LINGO2: variants seen among roughly 807,000 people sequenced by gnomAD.
LINGO2 encodes leucine-rich repeat and immunoglobulin-like domain-containing nogo receptor-interacting protein 2.
In LINGO2, 14 loss-of-function variants were observed where a neutral mutation model predicts 30.6. The observed-to-expected ratio is 0.46, with a 90% CI of 0.30 to 0.72. LINGO2 has a LOEUF of 0.72. LINGO2 is among the 30% of genes least tolerant of loss of function. The pLI, the probability that LINGO2 is intolerant of heterozygous loss-of-function variation, is 0.07. For missense variants in LINGO2, 729 were observed against 751.7 expected (o/e 0.97, Z 0.35); for synonymous variants, 317 against 288.5 (o/e 1.10, Z -1.00).
intron 4 of LINGO2, among the ~76,000 whole-genome samples, chr9:28,221,665 A>G (rs2133898436): frequency 6.6e-6 from 1 of 152,314 alleles, no homozygotes; most frequent in African/African-American, 2.4e-5. Flanking sequence ...CTATTTTTAG[A>G]CAAACGACAA....
intron 4 of LINGO2, among the ~76,000 whole-genome samples, chr9:28,263,330 C>T (rs1293649893): frequency 1.3e-5 from 2 of 151,888 alleles, no homozygotes; most frequent in Admixed American, 1.3e-4. Context: ...ATTAAAGACC[C>T]TAATTACACC....
chr9:29,032,582 G>A, the LINGO2 span, among the ~76,000 whole-genome samples: 1 of 152,126 alleles, frequency 6.6e-6, no homozygotes, highest in Admixed American at 6.6e-5. Context: ...GAAAGTGAAT[G>A]AAGTAAATCA....
intron 3 of LINGO2, among the ~76,000 whole-genome samples, chr9:28,337,261 T>C (rs1403099753): frequency 6.6e-6 from 1 of 151,734 alleles, no homozygotes; most frequent in Non-Finnish European, 1.5e-5. Flanking sequence ...AATTGCTAGG[T>C]TGTGGTAGGA....
chr9:28,104,751 G>A (rs2133330895), intron 4 of LINGO2, among the ~76,000 whole-genome samples: 1 of 152,064 alleles, frequency 6.6e-6, no homozygotes, highest in East Asian at 1.9e-4. Flanking sequence ...TGTTAACACT[G>A]ATGTGCTTTC....
the LINGO2 span, among the ~76,000 whole-genome samples, chr9:28,775,044 G>T: frequency 6.6e-6 from 1 of 152,108 alleles, no homozygotes; most frequent in East Asian, 1.9e-4. Context: ...TGGAAGAAGG[G>T]GAGGGGAGTG....
intron 1 of LINGO2, among the ~76,000 whole-genome samples, chr9:28,480,470 A>G (rs1385819078): frequency 6.6e-6 from 1 of 152,114 alleles, no homozygotes. Flanking sequence ...ACATGGAAGT[A>G]AAATGACAAT....
chr9:28,020,921 CTTA>C (rs762658604), intron 4 of LINGO2, among the ~76,000 whole-genome samples: 22 of 151,892 alleles, frequency 1.4e-4, no homozygotes, highest in Non-Finnish European at 2.4e-4. Flanking sequence ...GTGGCTTTTC[CTTA>C]TTATTATTTT....
the LINGO2 span, among the ~76,000 whole-genome samples, chr9:29,119,132 T>C: frequency 6.6e-6 from 1 of 152,066 alleles, no homozygotes; most frequent in Non-Finnish European, 1.5e-5. Context: ...GCCCATGCGA[T>C]GGCCAGGGAA....
chr9:28,885,485 G>GTT, the LINGO2 span, among the ~76,000 whole-genome samples: 2 of 54,684 alleles, frequency 3.7e-5, no homozygotes, highest in African/African-American at 5.3e-5. Flanking sequence ...ACATATACAC[G>GTT]TTTATATATA....
chr9:27,977,315 T>G (rs948151912), intron 5 of LINGO2, among the ~76,000 whole-genome samples: 14 of 151,820 alleles, frequency 9.2e-5, no homozygotes, highest in African/African-American at 3.1e-4. Flanking sequence ...CCAGGAAGGC[T>G]TCAACTGCTG....
chr9:28,172,679 A>G (rs1034727404), intron 4 of LINGO2, among the ~76,000 whole-genome samples: 2 of 152,204 alleles, frequency 1.3e-5, no homozygotes, highest in Non-Finnish European at 2.9e-5. Flanking sequence ...GAGATCACAA[A>G]GCTGAGCCTG....
chr9:28,216,566 C>T (rs1175399099), intron 4 of LINGO2, among the ~76,000 whole-genome samples: 2 of 151,902 alleles, frequency 1.3e-5, no homozygotes, highest in Non-Finnish European at 2.9e-5. Flanking sequence ...CAGATAAACT[C>T]CCACTGACCA....
chr9:28,017,367 G>A (rs1449114889), intron 4 of LINGO2, among the ~76,000 whole-genome samples: 5 of 152,072 alleles, frequency 3.3e-5, no homozygotes, highest in Admixed American at 3.3e-4. Flanking sequence ...AGCGATAACA[G>A]GCATGCAAAT....
chr9:28,648,282 G>T (rs564886209), intron 1 of LINGO2, among the ~76,000 whole-genome samples: 1 of 152,030 alleles, frequency 6.6e-6, no homozygotes, highest in Non-Finnish European at 1.5e-5. Flanking sequence ...GACATTTTAC[G>T]AGAGAGCATA....
the LINGO2 span, among the ~76,000 whole-genome samples, chr9:28,891,029 T>C: frequency 1.3e-5 from 2 of 152,086 alleles, no homozygotes; most frequent in Non-Finnish European, 2.9e-5. Flanking sequence ...AGTGTTTGCA[T>C]TAACATTTTA....
chr9:28,472,574 C>T (rs1305887729), intron 2 of LINGO2, among the ~76,000 whole-genome samples: 2 of 152,066 alleles, frequency 1.3e-5, no homozygotes, highest in Middle Eastern at 3.2e-3. Flanking sequence ...TCGTAGACCA[C>T]AGCAAATATT....
At chr9:28,553,013 T>A (rs1822392743) in intron 1 of LINGO2, among the ~76,000 whole-genome samples, 1 of 152,050 alleles carries the variant, frequency 6.6e-6, no homozygotes, top group Non-Finnish European at 1.5e-5. Context: ...ATTGTTTGTT[T>A]GTTTTAGTCT....
rs183325331 is a variant in LINGO2 at position 28,203,907 on chromosome 9, G to A, written c.-87+91301C>T. ...GATCAATATGTTTGGGAAACAACAG[G>A]CTAAGAAAATACAGCAAAAATTTTT... On this transcript the variant is annotated intron_variant, in intron 4 of 5. Coordinates refer to ENST00000379992, the Ensembl canonical transcript of LINGO2. Among the ~76,000 whole-genome samples, 415 of 152,182 alleles carry A rather than the reference G, an allele frequency of 2.7e-3. 5 individuals carry two copies. Among genetic ancestry groups the A allele is most frequent in the African/African-American group, 9.5e-3 (393 of 41,540 alleles).
chr9:28,708,286 G>A, the LINGO2 span, among the ~76,000 whole-genome samples: 2 of 152,004 alleles, frequency 1.3e-5, no homozygotes, highest in African/African-American at 4.8e-5. Flanking sequence ...TGAATATTCA[G>A]AAAATAAACA....
Sources: allele counts gnomAD v4.1 joint callset (sites outside exome capture counted in the v4.1 genomes callset), GRCh38; gene constraint gnomAD v4.1.1; transcripts MANE v1.5; gene names NCBI Gene and HGNC (gene_info 2026-07-23, HGNC 2026-07-21).